The following GRIK1 variants were observed in gnomAD, a reference collection of about 807,000 sequenced individuals.
The protein encoded by GRIK1 is glutamate receptor ionotropic, kainate 1.
In GRIK1, 69 loss-of-function variants were observed where a neutral mutation model predicts 105.7. The observed-to-expected ratio is 0.65, with a 90% CI of 0.54 to 0.80. The LOEUF is 0.80. GRIK1 is among the 30% of genes least tolerant of loss of function. GRIK1 has a pLI of 0.00. For synonymous variants in GRIK1, 438 were observed against 431.3 expected, an observed-to-expected ratio of 1.02 and a Z score of -0.19; for missense variants, 1,109 against 1,167.3, an observed-to-expected ratio of 0.95 and a Z score of 0.73.
At chr21:29,701,211 G>C (rs906466634) in intron 1 of GRIK1, among the ~76,000 whole-genome samples, 2 of 152,210 alleles carry the variant, frequency 1.3e-5, no homozygotes, top group Non-Finnish European at 2.9e-5. Context: ...GTGAGCAACA[G>C]ATACGCATCT....
At chr21:29,593,162 G>A (rs1029057663) in intron 9 of GRIK1, among the ~76,000 whole-genome samples, 6 of 152,162 alleles carry the variant, frequency 3.9e-5, no homozygotes, top group East Asian at 1.9e-4. Flanking sequence ...TATACTTAAT[G>A]AGGGTTAGTT....
At chr21:29,725,699 T>A (rs963008707) in intron 1 of GRIK1, among the ~76,000 whole-genome samples, 2 of 152,204 alleles carry the variant, frequency 1.3e-5, no homozygotes, top group African/African-American at 4.8e-5. Context: ...TAGCTTATAA[T>A]TATGAGAGTG....
chr21:29,782,170 T>C (rs1453545907), intron 1 of GRIK1, among the ~76,000 whole-genome samples: 1 of 148,908 alleles, frequency 6.7e-6, no homozygotes, highest in African/African-American at 2.5e-5. Context: ...CACTGCAAGC[T>C]CTGCCTCCCG....
At chr21:29,608,073 G>T (rs2061657274) in intron 7 of GRIK1, among the ~76,000 whole-genome samples, 1 of 152,064 alleles carries the variant, frequency 6.6e-6, no homozygotes, top group Admixed American at 6.6e-5. Context: ...ATTACCATTA[G>T]TGTGTGTATG....
At chr21:29,578,384 A>C (rs2090944649) in intron 13 of GRIK1, among the ~76,000 whole-genome samples, 1 of 152,228 alleles carries the variant, frequency 6.6e-6, no homozygotes, top group African/African-American at 2.4e-5. Flanking sequence ...GATGGAAAGG[A>C]AAATTGGAGT....
chr21:29,712,401 A>G (rs972541484), intron 1 of GRIK1, among the ~76,000 whole-genome samples: 1 of 152,074 alleles, frequency 6.6e-6, no homozygotes, highest in African/African-American at 2.4e-5. Context: ...TTTTATATAA[A>G]ATTATAACAT....
At chr21:29,938,323 C>A (rs1384571607) in intron 1 of GRIK1, among the ~76,000 whole-genome samples, 1 of 152,234 alleles carries the variant, frequency 6.6e-6, no homozygotes, top group African/African-American at 2.4e-5. Flanking sequence ...CTAAGAGACC[C>A]ATGTGATGTC....
rs759741927 is a variant in GRIK1, at chr21:29,537,889, TA to T, written c.2608-6del. On this transcript the variant is annotated splice_polypyrimidine_tract_variant and splice_region_variant and intron_variant, in intron 16 of 17. Transcript: ENST00000327783. ...AATTCTTGATGACTTTCCTTTCTGA[TA>T]AAAAAAAAAGAAAAAAAAACAATTT... The T allele has an allele frequency of 7.1e-3, 7,061 of 992,252 alleles. 4 individuals carry two copies. Among genetic ancestry groups the T allele is most frequent in the Non-Finnish European group, 8.2e-3 (5,604 of 685,228 alleles). 61.5% of individuals were successfully genotyped at this position (992,252 alleles called of 1,614,324 possible).
Position 29,673,167 on chromosome 21 carries a change from A to G in GRIK1, c.545-3T>C, listed in dbSNP as rs373565228. Reference sequence around the variant, plus strand: ...GAGCTCTTGTAGACGAATTAGACCTAGAAAATGACATGCAATCATGCAATG... The same window carrying G: ...GAGCTCTTGTAGACGAATTAGACCTGGAAAATGACATGCAATCATGCAATG... On this transcript the variant is annotated splice_polypyrimidine_tract_variant and splice_region_variant and intron_variant, in intron 3 of 17. Transcript: ENST00000327783. The G allele has an allele frequency of 4.3e-5, 68 of 1,593,632 alleles. 1 individual carries two copies. Among genetic ancestry groups the G allele is most frequent in the Non-Finnish European group, 4.7e-5 (55 of 1,163,254 alleles).
Position 29,926,139 on chromosome 21 carries a change from G to A in GRIK1, c.118+13244C>T, listed in dbSNP as rs1159988677. 3.3e-5 allele frequency among the ~76,000 whole-genome samples: 5 copies of A among 149,640 alleles called. No homozygotes were observed. The East Asian group carries it at 9.7e-4, about 29-fold the overall frequency. The stretch of plus-strand genomic sequence containing the variant: ...AAAAAAAACTTGCAAGGTATGTATA[G>A]TTTAACATATTTCTGTTAAGATTTC... On this transcript the variant is annotated intron_variant, in intron 1 of 17. Transcript: ENST00000327783.
chr21:29,919,631 GTT>G (rs2071124767), intron 1 of GRIK1, among the ~76,000 whole-genome samples: 1 of 152,108 alleles, frequency 6.6e-6, no homozygotes, highest in Non-Finnish European at 1.5e-5. Context: ...AGAACCAAGA[GTT>G]TGCTAGAACA....
chr21:29,556,315 C>A (rs1047112642), intron 15 of GRIK1, among the ~76,000 whole-genome samples: 1 of 152,134 alleles, frequency 6.6e-6, no homozygotes, highest in African/African-American at 2.4e-5. Flanking sequence ...TTGCCCCAAC[C>A]CCTCTTTTTT....
rs143297909 is a variant in GRIK1 at position 29,867,380 on chromosome 21, G to A, written c.118+72003C>T. On this transcript the variant is annotated intron_variant, in intron 1 of 17. Transcript: ENST00000327783. ...GAAAGGAGAAGATGAAGAGGACCAGGCAGAAAAGGGATAGGAGGGCTGAAG... is the reference window on the plus strand; with the variant it reads ...GAAAGGAGAAGATGAAGAGGACCAGACAGAAAAGGGATAGGAGGGCTGAAG... Among the ~76,000 whole-genome samples the A allele has an allele frequency of 4.1e-4, 63 of 152,250 alleles. No homozygotes were observed. In the East Asian group the frequency reaches 0.012, roughly 29 times the overall value.
At chr21:29,664,866 C>T (rs1035370917) in intron 4 of GRIK1, among the ~76,000 whole-genome samples, 1 of 152,066 alleles carries the variant, frequency 6.6e-6, no homozygotes, top group Admixed American at 6.5e-5. Flanking sequence ...AACCCCTTTC[C>T]ACAAAAAAGG....
chr21:29,731,631 A>G (rs1447498564), intron 1 of GRIK1, among the ~76,000 whole-genome samples: 1 of 152,210 alleles, frequency 6.6e-6, no homozygotes, highest in East Asian at 1.9e-4. Context: ...TGTAAGCTGA[A>G]CAAATTGAGA....
chr21:29,920,975 C>G (rs1330425738), intron 1 of GRIK1, among the ~76,000 whole-genome samples: 1 of 152,150 alleles, frequency 6.6e-6, no homozygotes, highest in Non-Finnish European at 1.5e-5. Context: ...TCCAAAGCAT[C>G]TACACTAAAC....
Position 29,587,555 on chromosome 21 carries a change from G to A in GRIK1, c.1604C>T (p.Thr535Ile), listed in dbSNP as rs768650361. The A allele has an allele frequency of 6.2e-7, 1 of 1,613,258 alleles. No individual in the cohort carries two copies. The highest frequency in any genetic ancestry group is 1.3e-5 in the African/African-American group (1 of 74,896). Residue 535 changes from threonine to isoleucine, a missense_variant, in exon 12 of 18, where the codon ACC (threonine) becomes ATC (isoleucine). By Grantham distance (89) the Thr-to-Ile change is moderately conservative. Around this residue, in one of 5 missense-constraint regions of GRIK1, gnomAD observed 54 missense variants for 88.1 expected, o/e 0.61. Coordinates refer to ENST00000327783, the MANE Select transcript of GRIK1 (RefSeq NM_001330994.2). ...ADLAVAPLTI[T>I]YVREKVIDFS... is the part of the protein sequence containing the mutation. Reference sequence around the variant, plus strand: ...GTCAATGACTTTCTCCCGCACGTAGGTGATGGTAAGAGGAGCCACTGCCAG... The same window carrying A: ...GTCAATGACTTTCTCCCGCACGTAGATGATGGTAAGAGGAGCCACTGCCAG...
intron 1 of GRIK1, among the ~76,000 whole-genome samples, chr21:29,867,426 C>T (rs1340184600): frequency 1.3e-5 from 2 of 152,124 alleles, no homozygotes; most frequent in African/African-American, 4.8e-5. Context: ...GGGACAGAAA[C>T]TCCTAGTGTG....
chr21:29,548,798 A>G (rs2090085075), intron 16 of GRIK1, among the ~76,000 whole-genome samples: 1 of 152,216 alleles, frequency 6.6e-6, no homozygotes, highest in African/African-American at 2.4e-5. Flanking sequence ...CATATGATCC[A>G]GCTGATTTTC....
Sources: allele counts gnomAD v4.1 joint callset (sites outside exome capture counted in the v4.1 genomes callset), GRCh38; gene constraint gnomAD v4.1.1; regional missense constraint gnomAD v4.1.1; transcripts MANE v1.5; gene names NCBI Gene and HGNC (gene_info 2026-07-23, HGNC 2026-07-21).